Variants in SUGCT observed in about 807,000 individuals in gnomAD.
SUGCT encodes the protein succinyl-CoA:glutarate CoA-transferase.
SUGCT carries 41 observed loss-of-function variants against 55.0 expected under a neutral mutation model. That is an observed-to-expected ratio of 0.74 (90% CI 0.58 to 0.97). The LOEUF is 0.97. Among genes scored for constraint, SUGCT ranks in the 50% least tolerant of loss-of-function variants. The pLI, the probability that SUGCT is intolerant of heterozygous loss-of-function variation, is 0.00. For synonymous variants in SUGCT, 187 were observed against 200.4 expected (o/e 0.93, Z 0.56); for missense variants, 568 against 547.8 (o/e 1.04, Z -0.37).
At chr7:41,001,815 G>A in the SUGCT span, among the ~76,000 whole-genome samples, 1 of 152,106 alleles carries the variant, frequency 6.6e-6, no homozygotes, top group African/African-American at 2.4e-5. Context: ...CATTTTCGGA[G>A]GACACAAACA....
the SUGCT span, among the ~76,000 whole-genome samples, chr7:40,879,491 C>T: frequency 6.6e-6 from 1 of 152,150 alleles, no homozygotes; most frequent in Non-Finnish European, 1.5e-5. Flanking sequence ...TCAACAGTCC[C>T]TTAACATTCT....
chr7:40,241,504 G>A (rs1378716451), intron 7 of SUGCT, among the ~76,000 whole-genome samples: 3 of 151,660 alleles, frequency 2.0e-5, no homozygotes, highest in East Asian at 1.9e-4. Flanking sequence ...GGTTGAACCC[G>A]GGAGGTGGAG....
chr7:40,841,496 A>C (rs1211392147), intron 13 of SUGCT, among the ~76,000 whole-genome samples: 2 of 152,184 alleles, frequency 1.3e-5, no homozygotes, highest in Admixed American at 1.3e-4. Flanking sequence ...GGAATGTTTC[A>C]GTTACTCTTA....
chr7:40,987,267 G>GGACATGAC, the SUGCT span, among the ~76,000 whole-genome samples: 1 of 152,146 alleles, frequency 6.6e-6, no homozygotes, highest in African/African-American at 2.4e-5. Flanking sequence ...AAAGGTATGT[G>GGACATGAC]GACATGACGA....
chr7:40,809,418 G>A (rs1380955229), intron 13 of SUGCT, among the ~76,000 whole-genome samples: 1 of 151,966 alleles, frequency 6.6e-6, no homozygotes, highest in African/African-American at 2.4e-5. Flanking sequence ...ATATACAAGT[G>A]TGTGTGTGTG....
chr7:40,737,195 CG>C (rs1301465487), intron 12 of SUGCT, among the ~76,000 whole-genome samples: 60 of 152,144 alleles, frequency 3.9e-4, no homozygotes, highest in African/African-American at 1.4e-3. Context: ...TTCACAGCTT[CG>C]ACATTGAATC....
At chr7:40,595,696 T>G (rs1797979903) in intron 12 of SUGCT, among the ~76,000 whole-genome samples, 1 of 151,996 alleles carries the variant, frequency 6.6e-6, no homozygotes, top group Non-Finnish European at 1.5e-5. Context: ...TTATAACTAG[T>G]TACACCACTC....
Position 40,562,853 on chromosome 7 carries a change from G to C in SUGCT, c.1089+66467G>C, listed in dbSNP as rs189092893. Among the ~76,000 whole-genome samples the C allele has an allele frequency of 2.0e-5, 3 of 152,308 alleles. No individual in the cohort carries two copies. The East Asian group carries it at 5.8e-4, about 29-fold the overall frequency. On this transcript the variant is annotated intron_variant, in intron 12 of 13. Coordinates refer to ENST00000335693, the MANE Select transcript of SUGCT (RefSeq NM_001193313.2). ...CCATCCATTGTTAAGAGAAACAGTA[G>C]AGATTTTAAGAGGAAGAAAATGAGT...
chr7:40,335,518 T>C (rs1796635012), intron 9 of SUGCT, among the ~76,000 whole-genome samples: 1 of 152,070 alleles, frequency 6.6e-6, no homozygotes, highest in African/African-American at 2.4e-5. Context: ...CAATTGTGAA[T>C]GGGAGTTCAC....
chr7:40,605,575 A>ACCT (rs1798486895), intron 12 of SUGCT, among the ~76,000 whole-genome samples: 1 of 152,194 alleles, frequency 6.6e-6, no homozygotes, highest in Non-Finnish European at 1.5e-5. Context: ...GCCATTGTGT[A>ACCT]GGGCTGTAGA....
the SUGCT span, among the ~76,000 whole-genome samples, chr7:40,961,331 G>C: frequency 6.6e-6 from 1 of 152,180 alleles, no homozygotes; most frequent in Non-Finnish European, 1.5e-5. Context: ...CTAGGAAGGA[G>C]AGAGAGTGTG....
At chr7:40,722,805 G>A (rs1786413676) in intron 12 of SUGCT, among the ~76,000 whole-genome samples, 1 of 152,106 alleles carries the variant, frequency 6.6e-6, no homozygotes, top group African/African-American at 2.4e-5. Flanking sequence ...CCTTTGCGGT[G>A]AAGTATTTCT....
chr7:40,229,592 CA>C (rs980461628), intron 6 of SUGCT, among the ~76,000 whole-genome samples: 19 of 151,688 alleles, frequency 1.3e-4, no homozygotes, highest in African/African-American at 4.4e-4. Context: ...GCAAGTGGAT[CA>C]CGAGGTCAGG....
intron 9 of SUGCT, among the ~76,000 whole-genome samples, chr7:40,431,936 T>C (rs556582978): frequency 6.6e-6 from 1 of 152,284 alleles, no homozygotes; most frequent in African/African-American, 2.4e-5. Context: ...TCATTGTTGG[T>C]TTTTTCCCCC....
intron 12 of SUGCT, among the ~76,000 whole-genome samples, chr7:40,511,743 G>A (rs556658236): frequency 9.2e-5 from 14 of 152,210 alleles, no homozygotes; most frequent in East Asian, 1.9e-4. Flanking sequence ...ATGTTAAAGC[G>A]TATAATGGCA....
At chr7:40,907,492 G>A in the SUGCT span, among the ~76,000 whole-genome samples, 1 of 152,186 alleles carries the variant, frequency 6.6e-6, no homozygotes, top group Non-Finnish European at 1.5e-5. Context: ...TTGTAAAGCA[G>A]TGCCTAAATG....
chr7:40,487,708 A>T lies in SUGCT; in HGVS notation c.987-8576A>T, dbSNP rs573196672. On this transcript the variant is annotated intron_variant, in intron 11 of 13. Transcript: ENST00000335693. ...GGTGTTCTGATTTGGGTACATATGT[A>T]TTTACAATTGTTATGTCCTCTTGCT... is the stretch of plus-strand genomic sequence containing the variant. Among the ~76,000 whole-genome samples, 55 of 152,174 alleles carry T rather than the reference A, an allele frequency of 3.6e-4. No homozygotes were observed. In the South Asian group the frequency reaches 8.5e-3, roughly 24 times the overall value.
rs191637634 is a variant in SUGCT, at chr7:40,408,931, T to G, written c.817-40356T>G. Among the ~76,000 whole-genome samples, 161 of 151,914 alleles carry G rather than the reference T, an allele frequency of 1.1e-3. 1 individual carries two copies. Among genetic ancestry groups the G allele is most frequent in the Admixed American group, 3.3e-3 (50 of 15,266 alleles). On this transcript the variant is annotated intron_variant, in intron 9 of 13. Transcript: ENST00000335693. ...ACATGGTTTTGGCCTTTATTTTCTG[T>G]TCTCTCTCTCTCTGCTTTTTGTTTC...
chr7:40,539,703 T>C, intron 12 of SUGCT: 1 of 152,148 alleles, frequency 6.6e-6, no homozygotes, highest in South Asian at 2.1e-4. Flanking sequence ...GAATAAAAGG[T>C]GGAAATCTCT....
Sources: gnomAD v4.1 joint callset for allele counts (sites outside exome capture counted in the v4.1 genomes callset) on GRCh38, gnomAD v4.1.1 for gene constraint, MANE v1.5 for transcripts, NCBI Gene and HGNC (gene_info 2026-07-23, HGNC 2026-07-21) for gene names.